Variants in TMEM165 observed in about 807,000 individuals in gnomAD.
The protein encoded by TMEM165 is putative divalent cation/proton antiporter TMEM165.
TMEM165 carries 19 observed loss-of-function variants against 30.0 expected under a neutral mutation model. The observed-to-expected ratio is 0.63, with a 90% CI of 0.44 to 0.93. The LOEUF is 0.93. TMEM165 is among the 40% of genes least tolerant of loss of function. TMEM165 has a pLI of 0.00. For missense variants in TMEM165, 340 were observed against 417.0 expected, an observed-to-expected ratio of 0.82 and a Z score of 1.61; for synonymous variants, 168 against 162.9, an observed-to-expected ratio of 1.03 and a Z score of -0.24.
chr4:55,397,724 TTTCCTTTCTCCC>T (rs1720785561), intron 1 of TMEM165, among the ~76,000 whole-genome samples: 1 of 151,772 alleles, frequency 6.6e-6, no homozygotes, highest in Admixed American at 6.6e-5. Context: ...TCCTTTTTCC[TTTCCTTTCTCCC>T]TTCCTTTCCT....
rs36064611 is a variant in TMEM165 at position 55,443,475 on chromosome 4, C to CAA, written c.409-8752_409-8751dup. On this transcript the variant is annotated intron_variant, in intron 3 of 3. Transcript: ENST00000608091. Reference sequence around the variant, plus strand: ...GGGCAACAGGAGCAAAACTCCGTCTCAAAAAAAAAAAAAGAAAAAAAAAAG... The same window carrying CAA: ...GGGCAACAGGAGCAAAACTCCGTCTCAAAAAAAAAAAAAAAGAAAAAAAAAAG... Among the ~76,000 whole-genome samples the CAA allele has an allele frequency of 4.0e-3, 484 of 119,956 alleles. 2 individuals carry two copies. Among genetic ancestry groups the CAA allele is most frequent in the African/African-American group, 0.016 (445 of 27,884 alleles). The allele number at this position is 119,956 out of a possible 152,430, so 78.7% of individuals were successfully genotyped here. A position where few individuals can be genotyped will look rare whatever the true frequency, so the allele number is the denominator to read the frequency against.
chr4:55,444,925 T>C, intron 3 of TMEM165: 1 of 884,738 alleles, frequency 1.1e-6, no homozygotes, highest in South Asian at 1.5e-5. Context: ...TAGTTTCTAA[T>C]CCACCCATCT....
At chr4:55,401,093 A>C (rs1720977163) in intron 1 of TMEM165, among the ~76,000 whole-genome samples, 1 of 150,606 alleles carries the variant, frequency 6.6e-6, no homozygotes. Flanking sequence ...GTTAGTAGGC[A>C]TTCAAGTGGA....
chr4:55,412,022 C>G (rs1332322528), intron 2 of TMEM165, 183 bp downstream of exon 2: 6 of 648,974 alleles, frequency 9.2e-6, no homozygotes, highest in East Asian at 5.5e-5. Context: ...TTTGTACCCC[C>G]TCTCGCATAG....
Position 55,411,626 on chromosome 4 carries a change from C to G in TMEM165, c.220C>G (p.Pro74Ala), listed in dbSNP as rs1397854685. 6.2e-7 allele frequency: 1 copy of G among 1,610,418 alleles called. No individual in the cohort carries two copies. The highest frequency in any genetic ancestry group is 8.5e-7 in the Non-Finnish European group (1 of 1,178,718). The change falls in exon 2 of 6, where the codon CCA (proline) becomes GCA (alanine). Residue 74 changes from proline to alanine, a missense_variant. This residue lies in a region of TMEM165 where 120 missense variants were observed against 109.4 expected (regional missense o/e 1.10). Coordinates refer to ENST00000381334, the MANE Select transcript of TMEM165 (RefSeq NM_018475.5). ...TTTTTTTTTCCAGAAAATATTTACA[C>G]CAGCAGCTCCAGTTCATACCAATAA... The part of the protein sequence containing the change: ...EPARVEKIFT[P>A]AAPVHTNKED...
chr4:55,439,654 G>C (rs925311473), intron 3 of TMEM165, among the ~76,000 whole-genome samples: 4 of 152,154 alleles, frequency 2.6e-5, no homozygotes, highest in African/African-American at 9.7e-5. Context: ...AAACATAGTA[G>C]AGTAGAATAT....
At chr4:55,417,670 T>C (rs1482847927) in intron 3 of TMEM165, 133 bp from the exon 4 acceptor site, 4 of 715,052 alleles carry the variant, frequency 5.6e-6, no homozygotes, top group Non-Finnish European at 6.9e-6. Flanking sequence ...GAGGGGAGGT[T>C]TGGGGGTCAC....
chr4:55,417,027 G>T, intron 2 of TMEM165, 45 bp from the exon 3 acceptor site: 1 of 1,485,280 alleles, frequency 6.7e-7, no homozygotes, highest in Non-Finnish European at 9.0e-7. Context: ...TCCCTTGGTC[G>T]TGATACACAC....
chr4:55,406,586 G>A (rs1721276371), intron 1 of TMEM165, among the ~76,000 whole-genome samples: 1 of 152,020 alleles, frequency 6.6e-6, no homozygotes, highest in Admixed American at 6.6e-5. Flanking sequence ...TATTCTTTTA[G>A]CTCTATAATA....
chr4:55,402,446 T>C (rs1482756085), intron 1 of TMEM165, among the ~76,000 whole-genome samples: 6 of 86,438 alleles, frequency 6.9e-5, no homozygotes, highest in African/African-American at 3.3e-4. Flanking sequence ...TTTTTTTTTT[T>C]TTTTTTTTTT....
chr4:55,448,061 T>G (rs574759207), intron 3 of TMEM165, among the ~76,000 whole-genome samples: 2 of 152,190 alleles, frequency 1.3e-5, no homozygotes, highest in Non-Finnish European at 2.9e-5. Flanking sequence ...ACAATTCTCC[T>G]AGAAAGTTTT....
At chr4:55,406,580 C>A (rs911711471) in intron 1 of TMEM165, among the ~76,000 whole-genome samples, 10 of 152,132 alleles carry the variant, frequency 6.6e-5, no homozygotes, top group East Asian at 3.8e-4. Context: ...TCTTATTATT[C>A]TTTTAGCTCT....
At chr4:55,411,872 G>A in intron 2 of TMEM165, 33 bp downstream of exon 2, 4 of 1,593,540 alleles carry the variant, frequency 2.5e-6, no homozygotes, top group Non-Finnish European at 3.4e-6. Flanking sequence ...TGAGTTCGCT[G>A]AATTAAAGGG....
chr4:55,432,479 T>C lies in TMEM165; in HGVS notation c.408+7836T>C, dbSNP rs1417824626. 4.0e-5 allele frequency: 6 copies of C among 151,134 alleles called. 1 individual carries two copies. The South Asian group carries it at 1.3e-3, about 33-fold the overall frequency. The allele number at this position is 151,134 out of a possible 1,614,324, so 9.4% of individuals were successfully genotyped here. On this transcript the variant is annotated intron_variant, in intron 3 of 3. Coordinates refer to the TMEM165 transcript ENST00000608091. The stretch of plus-strand genomic sequence containing the variant: ...AGAATAAAGCAGAGGGAAGACTTTT[T>C]TTTTTTTTTTTTTAAAGCTGGAAGG...
rs56157186 is a variant in TMEM165, at chr4:55,445,582, C to CTTTTTTTTT, written c.409-6639_409-6631dup. ...TCTCTGCATCTGCTATTTCTATATT[C>CTTTTTTTTT]TTTTTTTTTTTTTTTTTTTTTTTTT... On this transcript the variant is annotated intron_variant, in intron 3 of 3. Coordinates refer to the TMEM165 transcript ENST00000608091. Among the ~76,000 whole-genome samples, 19 of 68,590 alleles carry CTTTTTTTTT rather than the reference C, an allele frequency of 2.8e-4. 1 individual carries two copies. The highest frequency in any genetic ancestry group is 9.9e-4 in the East Asian group (2 of 2,022). 45.0% of individuals were successfully genotyped at this position (68,590 alleles called of 152,430 possible). A position where few individuals can be genotyped will look rare whatever the true frequency, so the allele number is the denominator to read the frequency against.
intron 3 of TMEM165, chr4:55,431,450 A>T (rs956751629): frequency 2.0e-5 from 3 of 152,226 alleles, no homozygotes; most frequent in Non-Finnish European, 2.9e-5. Context: ...AGCTCACCCA[A>T]TCCAAACTTA....
downstream of TMEM165, chr4:55,428,217 GAAT>G (rs1475798438): frequency 6.6e-6 from 1 of 152,144 alleles, no homozygotes; most frequent in African/African-American, 2.4e-5. Flanking sequence ...TCATAACCTG[GAAT>G]AATGATTACA....
intron 3 of TMEM165, chr4:55,435,244 A>C (rs376630249): frequency 2.2e-5 from 16 of 720,890 alleles, no homozygotes; most frequent in South Asian, 1.6e-4. Context: ...TTTAATGTAC[A>C]TCTGTAGCAC....
chr4:55,420,617 A>G (rs1292288201), intron 4 of TMEM165, among the ~76,000 whole-genome samples: 4 of 152,158 alleles, frequency 2.6e-5, no homozygotes, highest in Non-Finnish European at 5.9e-5. Flanking sequence ...GGGATATTTA[A>G]TGAGCTCTTA....
Sources: gnomAD v4.1 joint callset for allele counts (sites outside exome capture counted in the v4.1 genomes callset) on GRCh38, gnomAD v4.1.1 for gene constraint, gnomAD v4.1.1 regional missense constraint, MANE v1.5 for transcripts, NCBI Gene and HGNC (gene_info 2026-07-23, HGNC 2026-07-21) for gene names.